SPAG16: variants seen among roughly 807,000 people sequenced by gnomAD.
SPAG16 encodes sperm associated antigen 16.
SPAG16 carries 86 observed loss-of-function variants against 80.4 expected under a neutral mutation model. The ratio of observed to expected loss-of-function variants is 1.07; its 90% CI spans 0.90 to 1.28. The LOEUF is 1.28. Ranked by LOEUF, SPAG16 falls within the 50% of genes most tolerant of loss-of-function variation. SPAG16 has a pLI of 0.00. For missense variants in SPAG16, 870 were observed against 765.3 expected (o/e 1.14, Z -1.61); for synonymous variants, 294 against 265.9 (o/e 1.11, Z -1.03).
intron 13 of SPAG16, among the ~76,000 whole-genome samples, chr2:214,086,672 T>G (rs2051785970): frequency 1.3e-5 from 2 of 152,174 alleles, no homozygotes; most frequent in Admixed American, 6.5e-5. Context: ...CTTTCCTTTA[T>G]AAATTACCCA....
At chr2:214,160,714 CTA>C (rs1395190842) in intron 15 of SPAG16, among the ~76,000 whole-genome samples, 2 of 151,988 alleles carry the variant, frequency 1.3e-5, no homozygotes, top group African/African-American at 4.8e-5. Flanking sequence ...TTTCTAAAAA[CTA>C]TGTTTTGCTA....
intron 15 of SPAG16, among the ~76,000 whole-genome samples, chr2:214,200,727 TA>T (rs760327763): frequency 6.6e-6 from 1 of 152,182 alleles, no homozygotes. Context: ...TGTAATCTGA[TA>T]AAAATTCAAA....
At chr2:214,066,654 TG>T (rs2050543702) in intron 13 of SPAG16, among the ~76,000 whole-genome samples, 1 of 152,150 alleles carries the variant, frequency 6.6e-6, no homozygotes, top group Non-Finnish European at 1.5e-5. Flanking sequence ...AAAAATATGT[TG>T]TTTACTGAAA....
At chr2:214,040,282 A>G (rs1286268381) in intron 13 of SPAG16, among the ~76,000 whole-genome samples, 5 of 152,104 alleles carry the variant, frequency 3.3e-5, no homozygotes, top group Admixed American at 3.3e-4. Flanking sequence ...AAGGACTGAT[A>G]TCTCTTTCTT....
At chr2:214,107,029 A>C (rs1161805881) in intron 13 of SPAG16, among the ~76,000 whole-genome samples, 1 of 151,670 alleles carries the variant, frequency 6.6e-6, no homozygotes, top group East Asian at 1.9e-4. Context: ...TTCTTGGCTA[A>C]CTCCCTTACT....
At chr2:213,989,978 A>G (rs1381941525) in intron 12 of SPAG16, among the ~76,000 whole-genome samples, 1 of 152,140 alleles carries the variant, frequency 6.6e-6, no homozygotes, top group Non-Finnish European at 1.5e-5. Flanking sequence ...CACTAATTTT[A>G]TATCATATTT....
intron 10 of SPAG16, among the ~76,000 whole-genome samples, chr2:213,793,136 C>T (rs2125614668): frequency 6.6e-6 from 1 of 152,150 alleles, no homozygotes; most frequent in East Asian, 1.9e-4. Flanking sequence ...CCATGTTGGT[C>T]AGGCTGGTCT....
chr2:213,521,567 G>A lies in SPAG16; in HGVS notation c.1070+31477G>A, dbSNP rs149928124. Among the ~76,000 whole-genome samples, 60 of 152,242 alleles carry A rather than the reference G, an allele frequency of 3.9e-4. No individual in the cohort carries two copies. The East Asian group carries it at 4.4e-3, about 11-fold the overall frequency. Reference sequence around the variant, plus strand: ...TGTGTCCAATCCATGTTTGTATGTCGTGCACTTCTAGGTCAGTGTTAAGCC... The same window carrying A: ...TGTGTCCAATCCATGTTTGTATGTCATGCACTTCTAGGTCAGTGTTAAGCC... On this transcript the variant is annotated intron_variant, in intron 10 of 15. Coordinates refer to ENST00000331683, the MANE Select transcript of SPAG16 (RefSeq NM_024532.5).
chr2:214,384,215 A>G (rs764438361), intron 15 of SPAG16, among the ~76,000 whole-genome samples: 8 of 152,230 alleles, frequency 5.3e-5, no homozygotes, highest in East Asian at 1.9e-4. Flanking sequence ...AGGACTTGCT[A>G]TTCATGAAGG....
At chr2:213,702,189 A>G (rs1305390614) in intron 10 of SPAG16, among the ~76,000 whole-genome samples, 1 of 152,170 alleles carries the variant, frequency 6.6e-6, no homozygotes, top group Non-Finnish European at 1.5e-5. Context: ...GCTGTCTGTA[A>G]AGTGGACCAA....
intron 10 of SPAG16, among the ~76,000 whole-genome samples, chr2:213,572,943 C>G (rs189099646): frequency 6.6e-6 from 1 of 152,290 alleles, no homozygotes; most frequent in Admixed American, 6.5e-5. Flanking sequence ...TCTCATGGTT[C>G]GCCGCTTTTT....
intron 15 of SPAG16, among the ~76,000 whole-genome samples, chr2:214,358,251 C>T (rs1698948194): frequency 6.6e-6 from 1 of 151,868 alleles, no homozygotes; most frequent in South Asian, 2.1e-4. Flanking sequence ...TGATCCGACC[C>T]TTGCATCTAC....
At chr2:213,533,969 CAT>C (rs770437397) in intron 10 of SPAG16, among the ~76,000 whole-genome samples, 33 of 152,080 alleles carry the variant, frequency 2.2e-4, no homozygotes, top group African/African-American at 3.6e-4. Flanking sequence ...TACTTTCTGA[CAT>C]GTGATCACCT....
chr2:213,380,761 C>T (rs1161938073), intron 9 of SPAG16, among the ~76,000 whole-genome samples: 2 of 152,210 alleles, frequency 1.3e-5, no homozygotes, highest in Non-Finnish European at 2.9e-5. Context: ...TGTGATTCAC[C>T]TATGGAGGCA....
At chr2:214,289,217 T>A (rs1302416879) in intron 15 of SPAG16, among the ~76,000 whole-genome samples, 1 of 152,236 alleles carries the variant, frequency 6.6e-6, no homozygotes, top group African/African-American at 2.4e-5. Context: ...ACGGATTGTT[T>A]CCTTGCTATG....
At chr2:213,640,718 T>G (rs779951985) in intron 10 of SPAG16, among the ~76,000 whole-genome samples, 1 of 152,202 alleles carries the variant, frequency 6.6e-6, no homozygotes, top group Non-Finnish European at 1.5e-5. Context: ...CTTTTTTGAA[T>G]GCTGGGTATG....
At chr2:214,060,451 T>C (rs951953731) in intron 13 of SPAG16, among the ~76,000 whole-genome samples, 5 of 152,102 alleles carry the variant, frequency 3.3e-5, no homozygotes, top group Non-Finnish European at 7.4e-5. Flanking sequence ...GTTACTATAA[T>C]GAATGTCCAA....
intron 10 of SPAG16, among the ~76,000 whole-genome samples, chr2:213,645,194 CTCT>C (rs1314956468): frequency 2.0e-5 from 3 of 152,184 alleles, no homozygotes; most frequent in African/African-American, 7.2e-5. Context: ...GGCCCAAGGG[CTCT>C]TAAGGCAGCT....
At chr2:214,052,647 G>T (rs748846287) in intron 13 of SPAG16, among the ~76,000 whole-genome samples, 4 of 152,022 alleles carry the variant, frequency 2.6e-5, no homozygotes, top group African/African-American at 4.8e-5. Flanking sequence ...ATCAAGAAAA[G>T]CTATTTTTAA....
Sources: allele counts gnomAD v4.1 joint callset (sites outside exome capture counted in the v4.1 genomes callset), GRCh38; gene constraint gnomAD v4.1.1; transcripts MANE v1.5; gene names NCBI Gene and HGNC (gene_info 2026-07-23, HGNC 2026-07-21).